Variants in MAGI1 observed in about 807,000 individuals in gnomAD.
MAGI1 encodes the protein membrane associated guanylate kinase, WW and PDZ domain containing 1.
Under a neutral mutation model 139.9 loss-of-function variants are expected in MAGI1, and 58 were observed. The ratio of observed to expected loss-of-function variants is 0.41; its 90% CI spans 0.34 to 0.52. The LOEUF is 0.52. Among genes scored for constraint, MAGI1 ranks in the 20% least tolerant of loss-of-function variants. The pLI is 0.12. For synonymous variants in MAGI1, 812 were observed against 737.9 expected, an observed-to-expected ratio of 1.10 and a Z score of -1.63; for missense variants, 1,874 against 1,901.6, an observed-to-expected ratio of 0.99 and a Z score of 0.27.
intron 1 of MAGI1, among the ~76,000 whole-genome samples, chr3:65,726,949 CA>C (rs1267381027): frequency 8.2e-6 from 1 of 121,372 alleles, no homozygotes; most frequent in Non-Finnish European, 1.7e-5. Flanking sequence ...CAATATGCTC[CA>C]AAATCCAAAA....
chr3:65,901,289 G>T (rs1468866657), intron 1 of MAGI1, among the ~76,000 whole-genome samples: 2 of 152,234 alleles, frequency 1.3e-5, no homozygotes, highest in Non-Finnish European at 2.9e-5. Flanking sequence ...AATCCACCAT[G>T]CAGGCCCAGA....
chr3:65,550,286 AG>A (rs2079758413), intron 2 of MAGI1, among the ~76,000 whole-genome samples: 2 of 152,200 alleles, frequency 1.3e-5, no homozygotes, highest in South Asian at 4.1e-4. Flanking sequence ...TAATTGCCAA[AG>A]GTCACTCAGC....
rs1389357632 is a variant in MAGI1 at position 65,356,553 on chromosome 3, C to G, written c.4214G>C (p.Arg1405Pro). 1 of 1,608,694 alleles carries G rather than the reference C, an allele frequency of 6.2e-7. No homozygotes were observed. Among genetic ancestry groups the G allele is most frequent in the South Asian group, 1.1e-5 (1 of 91,024 alleles). ...CCGCTCTCTCCTGCGCTCGGGGGAG[C>G]GTGCGCGCCTCCGGTCGGTGGACTT... The part of the protein sequence containing the change: ...RAKSTDRRRA[R>P]SPERRRERSL... Residue 1405 changes from arginine (R) to proline (P), a missense_variant, in exon 23 of 23, where the codon CGC becomes CCC. Around this residue, in one of 5 missense-constraint regions of MAGI1, gnomAD observed 653 missense variants for 644.5 expected, o/e 1.01. Coordinates refer to ENST00000402939, the MANE Select transcript of MAGI1 (RefSeq NM_001033057.2).
intron 2 of MAGI1, 79 bp from the exon 3 acceptor site, chr3:65,493,710 T>C (rs1436548904): frequency 1.9e-6 from 3 of 1,559,414 alleles, no homozygotes; most frequent in Non-Finnish European, 2.6e-6. Context: ...GTAATTAAAA[T>C]AACCTGTTCA....
intron 1 of MAGI1, among the ~76,000 whole-genome samples, chr3:66,000,538 A>C (rs1377922350): frequency 6.6e-6 from 1 of 152,238 alleles, no homozygotes; most frequent in African/African-American, 2.4e-5. Flanking sequence ...ATTACTTACC[A>C]AGGGTAAATA....
chr3:65,728,106 G>A (rs948824722), intron 1 of MAGI1, among the ~76,000 whole-genome samples: 2 of 152,132 alleles, frequency 1.3e-5, no homozygotes, highest in African/African-American at 2.4e-5. Flanking sequence ...CCACACTCAG[G>A]AAGGGTCTGG....
rs527356082 is a variant in MAGI1 at position 65,970,957 on chromosome 3, C to T, written c.313+67039G>A. On this transcript the variant is annotated intron_variant, in intron 1 of 22. Transcript: ENST00000402939. The stretch of plus-strand genomic sequence containing the variant: ...CGGTGGCTCATGCCTGTAATCCCAG[C>T]ACTTTGGGAGGCCGAGGTGGGCGGA... 1.5e-3 allele frequency among the ~76,000 whole-genome samples: 236 copies of T among 152,296 alleles called. 1 individual carries two copies. Among genetic ancestry groups the T allele is most frequent in the Admixed American group, 0.015 (235 of 15,302 alleles).
intron 1 of MAGI1, among the ~76,000 whole-genome samples, chr3:65,729,489 A>G (rs2033972767): frequency 6.6e-6 from 1 of 152,218 alleles, no homozygotes; most frequent in Non-Finnish European, 1.5e-5. Flanking sequence ...ACAGTCATTT[A>G]AGATTTGGTT....
chr3:65,877,157 C>T (rs905955501), intron 1 of MAGI1, among the ~76,000 whole-genome samples: 1 of 152,176 alleles, frequency 6.6e-6, no homozygotes, highest in African/African-American at 2.4e-5. Context: ...GATCAACATA[C>T]TCTGTGGTCC....
intron 1 of MAGI1, among the ~76,000 whole-genome samples, chr3:66,004,383 C>T (rs1456651975): frequency 1.3e-5 from 2 of 152,134 alleles, no homozygotes; most frequent in African/African-American, 4.8e-5. Context: ...TCGGCCGAAA[C>T]ACCTACACGT....
chr3:65,907,403 C>A (rs1224625112), intron 1 of MAGI1, among the ~76,000 whole-genome samples: 1 of 152,120 alleles, frequency 6.6e-6, no homozygotes, highest in Non-Finnish European at 1.5e-5. Context: ...AGACTTAAAC[C>A]CAGGTCTCTG....
intron 1 of MAGI1, among the ~76,000 whole-genome samples, chr3:65,856,968 G>A (rs770828341): frequency 6.6e-6 from 1 of 152,164 alleles, no homozygotes; most frequent in Non-Finnish European, 1.5e-5. Flanking sequence ...TAACCTACCA[G>A]AAACACAGGA....
intron 1 of MAGI1, among the ~76,000 whole-genome samples, chr3:65,700,161 A>C (rs1576792444): frequency 1.3e-5 from 2 of 152,232 alleles, no homozygotes; most frequent in South Asian, 2.1e-4. Context: ...AATCAATAGC[A>C]GGCTGGGCGC....
chr3:65,468,635 C>G (rs1004575957), intron 5 of MAGI1, among the ~76,000 whole-genome samples: 2 of 151,928 alleles, frequency 1.3e-5, no homozygotes, highest in Non-Finnish European at 2.9e-5. Flanking sequence ...CCTTGGCCTC[C>G]CAAAATGCTG....
chr3:65,932,189 A>G (rs1412714631), intron 1 of MAGI1, among the ~76,000 whole-genome samples: 1 of 152,092 alleles, frequency 6.6e-6, no homozygotes, highest in African/African-American at 2.4e-5. Context: ...CTTGTAGATT[A>G]TTTTCTTGCA....
chr3:65,953,606 T>A (rs1054313720), intron 1 of MAGI1, among the ~76,000 whole-genome samples: 4 of 152,162 alleles, frequency 2.6e-5, no homozygotes, highest in Admixed American at 2.0e-4. Flanking sequence ...AAACCAGCCC[T>A]ACAGGTGTAT....
intron 1 of MAGI1, among the ~76,000 whole-genome samples, chr3:65,842,812 T>C (rs1479907657): frequency 6.6e-6 from 1 of 152,252 alleles, no homozygotes; most frequent in African/African-American, 2.4e-5. Context: ...GAAGTCATGG[T>C]GACCTACTGC....
rs1448810751 is a variant in MAGI1, at chr3:65,478,716, C to G, written c.633G>C (p.Gln211His). The change falls in exon 4 of 23, where the codon CAG becomes CAC. Residue 211 changes from glutamine to histidine, a missense_variant. Coordinates refer to ENST00000402939, the MANE Select transcript of MAGI1 (RefSeq NM_001033057.2). ...VITTDALHSLQSGSKQSTPKR... is the reference protein window; with the variant it reads ...VITTDALHSLHSGSKQSTPKR... Reference sequence around the variant, plus strand: ...TCGGGGTCGACTGCTTAGAGCCAGACTGAAGGCTGTGCAAGGCATCCGTCG... The same window carrying G: ...TCGGGGTCGACTGCTTAGAGCCAGAGTGAAGGCTGTGCAAGGCATCCGTCG... 1 of 1,614,102 alleles carries G rather than the reference C, an allele frequency of 6.2e-7. No individual in the cohort carries two copies. The highest frequency in any genetic ancestry group is 1.3e-5 in the African/African-American group (1 of 75,038).
chr3:65,955,171 G>A (rs987212862), intron 1 of MAGI1, among the ~76,000 whole-genome samples: 5 of 152,090 alleles, frequency 3.3e-5, no homozygotes, highest in African/African-American at 4.8e-5. Context: ...GGGGGGAAGC[G>A]AAGAAAACAC....
Sources: gnomAD v4.1 joint callset for allele counts (sites outside exome capture counted in the v4.1 genomes callset) on GRCh38, gnomAD v4.1.1 for gene constraint, gnomAD v4.1.1 regional missense constraint, MANE v1.5 for transcripts, NCBI Gene and HGNC (gene_info 2026-07-23, HGNC 2026-07-21) for gene names.